SPMIP4: variants seen among roughly 807,000 people sequenced by gnomAD.
SPMIP4 encodes sperm-associated microtubule inner protein 4.
chr7:25,134,101 A>T, the SPMIP4 span, among the ~76,000 whole-genome samples: 1 of 152,088 alleles, frequency 6.6e-6, no homozygotes, highest in Admixed American at 6.6e-5. Context: ...TCTACTAAAA[A>T]TACAAAAACT....
At chr7:25,158,581 G>A in the SPMIP4 span, 19 of 1,435,412 alleles carry the variant, frequency 1.3e-5, no homozygotes, top group Non-Finnish European at 1.9e-5. Flanking sequence ...GGCTTTTAAA[G>A]GTTTATATCC....
chr7:25,167,282 A>T, the SPMIP4 span, among the ~76,000 whole-genome samples: 1 of 152,224 alleles, frequency 6.6e-6, no homozygotes, highest in Non-Finnish European at 1.5e-5. Context: ...CTGGATTCAA[A>T]TCCCTATTCC....
the SPMIP4 span, among the ~76,000 whole-genome samples, chr7:25,145,161 C>T: frequency 0.3 from 45,549 of 151,868 alleles, 8,297 homozygotes; most frequent in South Asian, 0.41. Flanking sequence ...CCGGGTTTCA[C>T]CATGGTTGGC....
the SPMIP4 span, among the ~76,000 whole-genome samples, chr7:25,162,226 A>T: frequency 6.6e-6 from 1 of 150,698 alleles, no homozygotes; most frequent in African/African-American, 2.4e-5. Context: ...AGCTGAGATC[A>T]TGCCACTGTA....
At chr7:25,172,103 A>C in the SPMIP4 span, among the ~76,000 whole-genome samples, 2 of 152,366 alleles carry the variant, frequency 1.3e-5, no homozygotes. The surrounding 1 kb of genome is among the most constrained non-coding windows in gnomAD (Gnocchi z 4.2). Context: ...AGAGTTTAAT[A>C]GACTGGAAAA....
chr7:25,178,765 C>G, the SPMIP4 span, among the ~76,000 whole-genome samples: 4 of 151,976 alleles, frequency 2.6e-5, no homozygotes, highest in Non-Finnish European at 5.9e-5. Context: ...CCCGGCCCGG[C>G]GCAGTGGTCA....
the SPMIP4 span, among the ~76,000 whole-genome samples, chr7:25,139,134 A>G: frequency 3.9e-5 from 6 of 152,240 alleles, no homozygotes; most frequent in East Asian, 1.2e-3. Flanking sequence ...GATTTGTGCA[A>G]TTGCATTGAA....
At chr7:25,138,894 T>G in the SPMIP4 span, among the ~76,000 whole-genome samples, 3 of 152,228 alleles carry the variant, frequency 2.0e-5, no homozygotes, top group Admixed American at 1.3e-4. This position sits in a 1 kb window ranked among gnomAD's most constrained non-coding sequence, Gnocchi z 6.2. Context: ...TGTCTGTGCT[T>G]CTTTTTAAGT....
the SPMIP4 span, among the ~76,000 whole-genome samples, chr7:25,171,978 T>A: frequency 6.6e-6 from 1 of 152,114 alleles, no homozygotes; most frequent in African/African-American, 2.4e-5. Context: ...ATCCTTTCAG[T>A]AGGAAGGATT....
At chr7:25,161,232 AAT>A in the SPMIP4 span, 1 of 1,565,616 alleles carries the variant, frequency 6.4e-7, no homozygotes, top group Non-Finnish European at 8.7e-7. Flanking sequence ...TTCTGGGTCA[AAT>A]AATAAAATTG....
chr7:25,176,527 C>T, the SPMIP4 span, among the ~76,000 whole-genome samples: 1 of 152,206 alleles, frequency 6.6e-6, no homozygotes, highest in Non-Finnish European at 1.5e-5. The surrounding 1 kb of genome is among the most constrained non-coding windows in gnomAD (Gnocchi z 4.4). Context: ...CCAGAAGTGA[C>T]AAGAGCTCCT....
At chr7:25,170,501 T>C in the SPMIP4 span, among the ~76,000 whole-genome samples, 1,000 of 152,384 alleles carry the variant, frequency 6.6e-3, 8 homozygotes, top group South Asian at 0.029. Context: ...TACTTGATAG[T>C]GTCCCTTGAA....
the SPMIP4 span, among the ~76,000 whole-genome samples, chr7:25,165,478 A>C: frequency 6.6e-6 from 1 of 151,990 alleles, no homozygotes; most frequent in Non-Finnish European, 1.5e-5. Flanking sequence ...TTTTAGACGG[A>C]GTCTCACTCT....
the SPMIP4 span, among the ~76,000 whole-genome samples, chr7:25,167,710 C>G: frequency 2.0e-5 from 3 of 152,146 alleles, no homozygotes; most frequent in Non-Finnish European, 4.4e-5. Flanking sequence ...TTAGATAAAG[C>G]AGGAGGAAGC....
chr7:25,154,468 T>G, the SPMIP4 span, among the ~76,000 whole-genome samples: 1 of 152,230 alleles, frequency 6.6e-6, no homozygotes, highest in African/African-American at 2.4e-5. Context: ...ACGGGATTCC[T>G]GATAAAACAC....
At chr7:25,179,060 A>AACAAACAC in the SPMIP4 span, 1 of 1,235,558 alleles carries the variant, frequency 8.1e-7, no homozygotes, top group Non-Finnish European at 1.1e-6. Context: ...CAAACAAACA[A>AACAAACAC]ACAAACAAGA....
the SPMIP4 span, among the ~76,000 whole-genome samples, chr7:25,138,130 T>C: frequency 1.3e-5 from 2 of 152,070 alleles, no homozygotes; most frequent in African/African-American, 2.4e-5. This position sits in a 1 kb window ranked among gnomAD's most constrained non-coding sequence, Gnocchi z 6.2. Context: ...GAATATGTAA[T>C]GATAATCTTT....
At chr7:25,140,606 G>C in the SPMIP4 span, among the ~76,000 whole-genome samples, 1 of 144,512 alleles carries the variant, frequency 6.9e-6, no homozygotes, top group African/African-American at 2.6e-5. Flanking sequence ...CCGGCCCTCA[G>C]CTCAGTTTTT....
At chr7:25,157,549 T>C in the SPMIP4 span, among the ~76,000 whole-genome samples, 1 of 152,196 alleles carries the variant, frequency 6.6e-6, no homozygotes, top group Non-Finnish European at 1.5e-5. Context: ...TTTATCTCTG[T>C]GGTCTTCCTT....
Sources: gnomAD v4.1 joint callset for allele counts (sites outside exome capture counted in the v4.1 genomes callset) on GRCh38, gnomAD v4.1.1 for gene constraint, Gnocchi (gnomAD v3.1) non-coding constraint, MANE v1.5 for transcripts, NCBI Gene and HGNC (gene_info 2026-07-23, HGNC 2026-07-21) for gene names.